CNKSR2: variants seen among roughly 807,000 people sequenced by gnomAD.
CNKSR2 encodes the protein CNK homolog protein 2.
Under a neutral mutation model 84.4 loss-of-function variants are expected in CNKSR2, and 14 were observed. The observed-to-expected ratio is 0.17, with a 90% CI of 0.11 to 0.26. The LOEUF (loss-of-function observed/expected upper bound fraction) is 0.26. CNKSR2 is among the 10% of genes least tolerant of loss of function. The pLI, the probability that CNKSR2 is intolerant of heterozygous loss-of-function variation, is 1.00. For missense variants in CNKSR2, 485 were observed against 771.2 expected, an observed-to-expected ratio of 0.63 and a Z score of 4.40; for synonymous variants, 275 against 277.9, an observed-to-expected ratio of 0.99 and a Z score of 0.10.
intron 11 of CNKSR2, among the ~76,000 whole-genome samples, chrX:21,541,135 A>ACCACGTAGTCCACGTAGT (rs2091973309): frequency 9.1e-6 from 1 of 110,035 alleles, no homozygotes; most frequent in Non-Finnish European, 1.9e-5. Flanking sequence ...GATGCACGCC[A>ACCACGTAGTCCACGTAGT]CCACGCCCAG....
intron 13 of CNKSR2, among the ~76,000 whole-genome samples, chrX:21,579,336 G>A (rs2092340035): frequency 9.0e-6 from 1 of 111,717 alleles, no homozygotes. Flanking sequence ...AGTGTTTACT[G>A]TGTAAAACCT....
chrX:21,422,051 G>A (rs990196585), intron 1 of CNKSR2: 16 of 111,669 alleles, frequency 1.4e-4, no homozygotes, highest in African/African-American at 5.2e-4. Flanking sequence ...TTTGCACTCA[G>A]GATTCTTCTT....
At chrX:21,379,396 T>C (rs1006124675) in intron 1 of CNKSR2, among the ~76,000 whole-genome samples, 1 of 112,580 alleles carries the variant, frequency 8.9e-6, no homozygotes, top group Non-Finnish European at 1.9e-5. Flanking sequence ...TTAGGGTTTT[T>C]TTTCAATTGA....
intron 1 of CNKSR2, among the ~76,000 whole-genome samples, chrX:21,408,062 G>A (rs1018361737): frequency 4.5e-5 from 5 of 110,966 alleles, no homozygotes; most frequent in African/African-American, 1.6e-4. Flanking sequence ...GTTGCCTTTG[G>A]GAAAGGAGCA....
intron 10 of CNKSR2, 23 bp from the exon 11 acceptor site, chrX:21,531,833 C>G (rs1274301356): frequency 9.0e-7 from 1 of 1,107,550 alleles, no homozygotes; most frequent in Non-Finnish European, 1.2e-6. Context: ...TACATCTTCT[C>G]CTTTACTCTA....
intron 1 of CNKSR2, among the ~76,000 whole-genome samples, chrX:21,410,200 G>A (rs933829662): frequency 9.0e-5 from 10 of 110,536 alleles, no homozygotes; most frequent in African/African-American, 3.0e-4. Context: ...CAAAATCTCA[G>A]GCCACACTCC....
At chrX:21,575,074 T>G (rs182625710) in intron 13 of CNKSR2, among the ~76,000 whole-genome samples, 3 of 111,119 alleles carry the variant, frequency 2.7e-5, no homozygotes, top group Non-Finnish European at 5.7e-5. Context: ...CATTGAAAAG[T>G]AGAGATAAAG....
intron 13 of CNKSR2, among the ~76,000 whole-genome samples, chrX:21,588,497 T>C (rs2092402059): frequency 8.9e-6 from 1 of 112,591 alleles, no homozygotes; most frequent in Non-Finnish European, 1.9e-5. Flanking sequence ...TTTATTTTAA[T>C]ATTTATAATA....
In CNKSR2 at chrX:21,561,375, A is replaced by T. The variant is rs1400970235; in HGVS notation, c.1304-96A>T. Reference sequence around the variant, plus strand: ...CCAACCATAATGTTGCATAAGAGTGAGTGTGTTTGGTAGACTTTAGCTAAA... The same window carrying T: ...CCAACCATAATGTTGCATAAGAGTGTGTGTGTTTGGTAGACTTTAGCTAAA... On this transcript the variant is annotated intron_variant, in intron 11 of 21. Coordinates refer to ENST00000379510, the MANE Select transcript of CNKSR2 (RefSeq NM_014927.5). 6.3e-6 allele frequency: 4 copies of T among 637,640 alleles called. No homozygotes were observed. In the East Asian group the frequency reaches 1.3e-4, roughly 21 times the overall value. 52.5% of individuals were successfully genotyped at this position (637,640 alleles called of 1,213,427 possible). A position where few individuals can be genotyped will look rare whatever the true frequency, so the allele number is the denominator to read the frequency against.
In CNKSR2 at chrX:21,580,884, C is replaced by G. The variant is rs775553210; in HGVS notation, c.1609-9688C>G. The stretch of plus-strand genomic sequence containing the variant: ...AAATCTACTCTTATTTCTCTGACAC[C>G]TAAATTTCAACGGTTTCTGTCAAAC... On this transcript the variant is annotated intron_variant, in intron 13 of 21. Transcript: ENST00000379510. Among the ~76,000 whole-genome samples, 11 of 111,667 alleles carry G rather than the reference C, an allele frequency of 9.9e-5. No individual in the cohort carries two copies. In the South Asian group the frequency reaches 3.4e-3, roughly 34 times the overall value.
intron 6 of CNKSR2, chrX:21,494,435 A>G (rs755854542): frequency 1.7e-4 from 19 of 112,287 alleles, no homozygotes; most frequent in Non-Finnish European, 3.2e-4. Context: ...ATACACAGCA[A>G]AGGAGATGTA....
At chrX:21,471,079 T>G in intron 5 of CNKSR2, among the ~76,000 whole-genome samples, 1 of 111,855 alleles carries the variant, frequency 8.9e-6, no homozygotes, top group South Asian at 3.7e-4. Flanking sequence ...CAAGGAGAAT[T>G]TGAAATGAGA....
Position 21,436,171 on chromosome X carries a change from C to T in CNKSR2, c.431+3357C>T, listed in dbSNP as rs150809378. Among the ~76,000 whole-genome samples the T allele has an allele frequency of 3.5e-3, 388 of 111,474 alleles. 2 individuals are homozygous for T. The highest frequency in any genetic ancestry group is 0.012 in the African/African-American group (366 of 30,720). On this transcript the variant is annotated intron_variant, in intron 3 of 21. Transcript: ENST00000379510. ...TTGGTCTTATTTTCTCTCATGTGCTCATTGTTTCTCACTTAGCACTAATTA... is the reference window on the plus strand; with the variant it reads ...TTGGTCTTATTTTCTCTCATGTGCTTATTGTTTCTCACTTAGCACTAATTA...
intron 17 of CNKSR2, among the ~76,000 whole-genome samples, chrX:21,598,266 G>A (rs773061236): frequency 7.3e-4 from 81 of 111,018 alleles, no homozygotes; most frequent in Non-Finnish European, 1.4e-3. Context: ...AAACATCATA[G>A]TACTCAGGTA....
At chrX:21,484,815 C>A (rs1274398890) in intron 5 of CNKSR2, among the ~76,000 whole-genome samples, 2 of 111,857 alleles carry the variant, frequency 1.8e-5, no homozygotes, top group East Asian at 2.8e-4. Flanking sequence ...TCCAGACTGA[C>A]ATAAGAGTTT....
intron 17 of CNKSR2, among the ~76,000 whole-genome samples, chrX:21,596,910 G>A (rs1449050817): frequency 4.5e-5 from 5 of 111,180 alleles, no homozygotes; most frequent in African/African-American, 1.6e-4. Flanking sequence ...GAGAAGGAGA[G>A]GTGTGATACT....
At chrX:21,469,063 C>A (rs1377226565) in intron 4 of CNKSR2, among the ~76,000 whole-genome samples, 1 of 112,449 alleles carries the variant, frequency 8.9e-6, no homozygotes, top group Non-Finnish European at 1.9e-5. Context: ...GAAATAGTTA[C>A]TTTCCGTATG....
chrX:21,598,728 T>C (rs1342517251), intron 17 of CNKSR2, among the ~76,000 whole-genome samples: 4 of 112,536 alleles, frequency 3.6e-5, no homozygotes, highest in Non-Finnish European at 7.5e-5. Flanking sequence ...ATTTCACATA[T>C]GTTTATTTGC....
In CNKSR2 at chrX:21,540,659, A is replaced by G. The variant is rs569578210; in HGVS notation, c.1303+8592A>G. Among the ~76,000 whole-genome samples the G allele has an allele frequency of 7.1e-5, 8 of 111,893 alleles. No individual in the cohort carries two copies. The South Asian group carries it at 3.0e-3, about 42-fold the overall frequency. On this transcript the variant is annotated intron_variant, in intron 11 of 21. Transcript: ENST00000379510. Reference sequence around the variant, plus strand: ...AAGTCTTTTATCCTTAGAGTGTTCAATTTCTGTTCTTGGTCACAAAAACCC... The same window carrying G: ...AAGTCTTTTATCCTTAGAGTGTTCAGTTTCTGTTCTTGGTCACAAAAACCC...
Sources: allele counts gnomAD v4.1 joint callset (sites outside exome capture counted in the v4.1 genomes callset), GRCh38; gene constraint gnomAD v4.1.1; transcripts MANE v1.5; gene names NCBI Gene and HGNC (gene_info 2026-07-23, HGNC 2026-07-21).